The following TUFT1 variants were observed in gnomAD, a reference collection of about 807,000 sequenced individuals.
The protein encoded by TUFT1 is tuftelin.
TUFT1 carries 43 observed loss-of-function variants against 57.8 expected under a neutral mutation model. The ratio of observed to expected loss-of-function variants is 0.74; its 90% CI spans 0.58 to 0.96. The LOEUF is 0.96. Among genes scored for constraint, TUFT1 ranks in the 40% least tolerant of loss-of-function variants. The pLI is 0.00. For missense variants in TUFT1, 459 were observed against 489.0 expected (o/e 0.94, Z 0.58); for synonymous variants, 166 against 176.7 (o/e 0.94, Z 0.48).
chr1:151,554,064 A>G (rs1665594183), intron 1 of TUFT1, among the ~76,000 whole-genome samples: 1 of 152,186 alleles, frequency 6.6e-6, no homozygotes, highest in African/African-American at 2.4e-5. Context: ...ATTTTGAAAT[A>G]ATTTTAAATT....
chr1:151,545,012 T>G (rs929182178), intron 1 of TUFT1, among the ~76,000 whole-genome samples: 1 of 152,126 alleles, frequency 6.6e-6, no homozygotes, highest in African/African-American at 2.4e-5. Context: ...AGCATTGTGG[T>G]CAAGAGCATG....
In TUFT1 at chr1:151,575,013, C is replaced by T; in HGVS notation, c.818+8C>T. The T allele has an allele frequency of 6.4e-7, 1 of 1,554,754 alleles. No homozygotes were observed. The highest frequency in any genetic ancestry group is 8.7e-7 in the Non-Finnish European group (1 of 1,148,534). Reference sequence around the variant, plus strand: ...CCAAGCAGAACGAGAAAAGTAAGGGCTTGGCTCTTGTTCACGGTGAAGTTG... The same window carrying T: ...CCAAGCAGAACGAGAAAAGTAAGGGTTTGGCTCTTGTTCACGGTGAAGTTG... On this transcript the variant is annotated splice_region_variant and intron_variant, in intron 9 of 12. Transcript: ENST00000368849.
intron 1 of TUFT1, among the ~76,000 whole-genome samples, chr1:151,543,359 G>A (rs1029374451): frequency 6.8e-4 from 96 of 140,616 alleles, no homozygotes; most frequent in Middle Eastern, 3.8e-3. Context: ...GTGTGTGTGT[G>A]TATTATATAT....
intron 1 of TUFT1, among the ~76,000 whole-genome samples, chr1:151,543,265 A>G (rs1251245296): frequency 6.7e-6 from 1 of 150,254 alleles, no homozygotes; most frequent in African/African-American, 2.5e-5. Context: ...TAGAATTAAC[A>G]CTCTTAGAGT....
At chr1:151,561,234 G>A (rs1358532077) in intron 1 of TUFT1, among the ~76,000 whole-genome samples, 1 of 151,902 alleles carries the variant, frequency 6.6e-6, no homozygotes, top group Non-Finnish European at 1.5e-5. Flanking sequence ...TCCTGACCTC[G>A]TGATCCACCT....
intron 1 of TUFT1, among the ~76,000 whole-genome samples, chr1:151,553,571 G>T (rs1665578703): frequency 1.3e-5 from 2 of 152,184 alleles, no homozygotes; most frequent in African/African-American, 4.8e-5. Context: ...GGCCAGAAAA[G>T]AGGTCAGGAG....
Position 151,583,532 on chromosome 1 carries a change from G to A in TUFT1, c.*1825G>A, listed in dbSNP as rs1666706168. ...TCCCTTTCTGATATTGTTGTCTGTG[G>A]CATATTCTTTGTATGGCGAATTTAA... On this transcript the variant is annotated 3_prime_UTR_variant, in exon 13 of 13. Transcript: ENST00000368849. The A allele has an allele frequency of 1.3e-5, 2 of 152,158 alleles. No homozygotes were observed. Among genetic ancestry groups the A allele is most frequent in the South Asian group, 4.1e-4 (2 of 4,822 alleles). 9.4% of individuals were successfully genotyped at this position (152,158 alleles called of 1,614,324 possible).
intron 1 of TUFT1, among the ~76,000 whole-genome samples, chr1:151,542,458 C>T (rs1665199927): frequency 6.6e-6 from 1 of 151,804 alleles, no homozygotes; most frequent in Admixed American, 6.6e-5. Context: ...TCTCGAACTC[C>T]TGGGCTCAAG....
chr1:151,574,398 G>A lies in TUFT1; in HGVS notation c.723G>A (p.Thr241=), dbSNP rs746180738. The change falls in exon 8 of 13, where the codon ACG becomes ACA. Residue 241 remains threonine (T), a splice_region_variant and synonymous_variant. Transcript: ENST00000368849. ...ELQRRLLGME[T]EHQALLAKVR... ...AGAGGCGCTTGCTAGGGATGGAGAC[G>A]GTAACCGGGGGATCTTGCTTGTCAG... 28 of 1,613,904 alleles carry A rather than the reference G, an allele frequency of 1.7e-5. No individual in the cohort carries two copies. The highest frequency in any genetic ancestry group is 8.9e-5 in the East Asian group (4 of 44,866).
In TUFT1 at chr1:151,578,840, G is replaced by A. The variant is rs1465989147; in HGVS notation, c.924+14G>A. On this transcript the variant is annotated intron_variant, in intron 10 of 12. Transcript: ENST00000368849. ...ATGATAGAGCAGGTAAGTTGGGCTG[G>A]TTTGTAACCTGCCCTCGGGGAGTCA... 2 of 1,551,054 alleles carry A rather than the reference G, an allele frequency of 1.3e-6. No homozygotes were observed. The highest frequency in any genetic ancestry group is 1.9e-5 in the Admixed American group (1 of 51,704).
intron 7 of TUFT1, 76 bp from the exon 8 acceptor site, chr1:151,574,194 G>T: frequency 6.5e-7 from 1 of 1,542,660 alleles, no homozygotes. Context: ...CAGGTTCCTG[G>T]GTTCTTTTCT....
intron 1 of TUFT1, among the ~76,000 whole-genome samples, chr1:151,550,757 G>C (rs1665482947): frequency 6.6e-6 from 1 of 152,054 alleles, no homozygotes; most frequent in African/African-American, 2.4e-5. Context: ...AATATGTCAG[G>C]GTTTATTCAT....
chr1:151,579,232 T>C (rs544492237), intron 10 of TUFT1, among the ~76,000 whole-genome samples: 1 of 152,334 alleles, frequency 6.6e-6, no homozygotes, highest in Non-Finnish European at 1.5e-5. Context: ...AGAATTGTTT[T>C]GAGAGCCTAA....
intron 5 of TUFT1, among the ~76,000 whole-genome samples, chr1:151,565,754 T>A (rs1307293468): frequency 6.6e-6 from 1 of 152,242 alleles, no homozygotes; most frequent in Non-Finnish European, 1.5e-5. Context: ...AGGGAAGCTC[T>A]TTGTTTGTGG....
At chr1:151,578,860 G>A (rs1409955066) in intron 10 of TUFT1, 34 bp downstream of exon 10, 10 of 1,505,426 alleles carry the variant, frequency 6.6e-6, no homozygotes, top group Non-Finnish European at 8.1e-6. Flanking sequence ...TGCCCTCGGG[G>A]AGTCACCCCA....
intron 1 of TUFT1, among the ~76,000 whole-genome samples, chr1:151,544,889 T>C (rs1271524776): frequency 3.9e-5 from 6 of 152,216 alleles, no homozygotes; most frequent in South Asian, 4.1e-4. Context: ...TTGACTTCTG[T>C]TGTAGGAATT....
At chr1:151,541,702 T>C (rs1282100476) in intron 1 of TUFT1, among the ~76,000 whole-genome samples, 1 of 152,212 alleles carries the variant, frequency 6.6e-6, no homozygotes, top group Non-Finnish European at 1.5e-5. Flanking sequence ...TTTTGCCACA[T>C]TAAAATACAG....
intron 9 of TUFT1, among the ~76,000 whole-genome samples, chr1:151,577,865 AT>A (rs869228209): frequency 7.9e-5 from 12 of 151,586 alleles, no homozygotes; most frequent in Non-Finnish European, 1.5e-4. Context: ...TACAAAAAAA[AT>A]TTTTTTTTAG....
intron 1 of TUFT1, among the ~76,000 whole-genome samples, chr1:151,553,478 G>C (rs1184428935): frequency 1.3e-5 from 2 of 152,170 alleles, no homozygotes; most frequent in Non-Finnish European, 2.9e-5. Flanking sequence ...GGGGAAAAGG[G>C]GTTCTGGTTT....
Sources: gnomAD v4.1 joint callset for allele counts (sites outside exome capture counted in the v4.1 genomes callset) on GRCh38, gnomAD v4.1.1 for gene constraint, MANE v1.5 for transcripts, NCBI Gene and HGNC (gene_info 2026-07-23, HGNC 2026-07-21) for gene names.